Variants in SMARCA1 observed in about 807,000 individuals in gnomAD.
SMARCA1 encodes the protein SNF2 related chromatin remodeling ATPase 1.
SMARCA1 carries 17 observed loss-of-function variants against 93.6 expected under a neutral mutation model. The observed-to-expected ratio is 0.18, with a 90% CI of 0.12 to 0.27. The LOEUF (loss-of-function observed/expected upper bound fraction) is 0.27, where lower values mean the gene tolerates loss of function less well. Ranked by LOEUF, SMARCA1 falls within the 10% of genes least tolerant of loss-of-function variation. The pLI, the probability that SMARCA1 is intolerant of heterozygous loss-of-function variation, is 1.00. For synonymous variants in SMARCA1, 271 were observed against 271.4 expected (o/e 1.00, Z 0.01); for missense variants, 630 against 819.0 (o/e 0.77, Z 2.82).
intron 23 of SMARCA1, among the ~76,000 whole-genome samples, chrX:129,454,798 T>C (rs954101547): frequency 4.5e-5 from 5 of 111,382 alleles, no homozygotes; most frequent in African/African-American, 1.3e-4. Flanking sequence ...CCTCCCCCCA[T>C]GAACAGACAC....
At chrX:129,499,650 T>C (rs6634747) in intron 10 of SMARCA1, 82 bp downstream of exon 10, 52,633 of 477,271 alleles carry the variant, frequency 0.11, 2,967 homozygotes, top group East Asian at 0.35. Context: ...TTTGAACTAA[T>C]GGCATAACTG....
chrX:129,466,988 C>A (rs1932929325), intron 21 of SMARCA1, among the ~76,000 whole-genome samples: 1 of 111,802 alleles, frequency 8.9e-6, no homozygotes, highest in Non-Finnish European at 1.9e-5. Context: ...TAATGACATA[C>A]TCCACATCCT....
At chrX:129,448,076 T>C (rs770007433) in intron 24 of SMARCA1, among the ~76,000 whole-genome samples, 1 of 109,990 alleles carries the variant, frequency 9.1e-6, no homozygotes, top group South Asian at 4.0e-4. Flanking sequence ...TCACTTGCAT[T>C]ATACTTCTGT....
At chrX:129,509,355 G>A (rs1934944632) in intron 6 of SMARCA1, among the ~76,000 whole-genome samples, 1 of 110,157 alleles carries the variant, frequency 9.1e-6, no homozygotes, top group Non-Finnish European at 1.9e-5. Flanking sequence ...AGAATCACCT[G>A]GACTGAAGAG....
chrX:129,452,199 T>C (rs1932344659), intron 23 of SMARCA1, among the ~76,000 whole-genome samples: 1 of 112,622 alleles, frequency 8.9e-6, no homozygotes, highest in Admixed American at 9.4e-5. Context: ...TTCTATAATT[T>C]CTCCTTTCAT....
At chrX:129,481,951 A>G (rs1933682629) in intron 17 of SMARCA1, among the ~76,000 whole-genome samples, 1 of 104,499 alleles carries the variant, frequency 9.6e-6, no homozygotes, top group Admixed American at 1.1e-4. Flanking sequence ...ACAATGATAG[A>G]CTGGATTAAG....
At chrX:129,488,162 C>A (rs987072544) in intron 16 of SMARCA1, among the ~76,000 whole-genome samples, 2 of 108,215 alleles carry the variant, frequency 1.8e-5, no homozygotes, top group African/African-American at 6.8e-5. Context: ...GAACTAAACA[C>A]AAAATTACAA....
At chrX:129,505,454 G>C (rs1348002893) in intron 8 of SMARCA1, among the ~76,000 whole-genome samples, 1 of 110,988 alleles carries the variant, frequency 9.0e-6, no homozygotes. Flanking sequence ...GGAGGTTGCA[G>C]AGAGCTGAGA....
In SMARCA1 at chrX:129,447,196, G is replaced by T. The variant is rs1390145032; in HGVS notation, c.3179C>A (p.Ser1060Tyr). Reference sequence around the variant, plus strand: ...CACCTTCTTGACATCCTTCTTTCCAGAGCTCTCAGTAGCTGACTCTGCTTT... The same window carrying T: ...CACCTTCTTGACATCCTTCTTTCCATAGCTCTCAGTAGCTGACTCTGCTTT... Reference protein sequence around the residue: ...KRKAESATESSGKKDVKKVKS With the variant: ...KRKAESATESYGKKDVKKVKS Residue 1060 changes from serine (S) to tyrosine (Y), a missense_variant, in exon 25 of 25, where the codon TCT becomes TAT. Ser to Tyr is a moderately radical substitution (Grantham distance 144). Transcript: ENST00000371121. The T allele has an allele frequency of 8.7e-7, 1 of 1,145,830 alleles. No homozygotes were observed. The highest frequency in any genetic ancestry group is 1.2e-6 in the Non-Finnish European group (1 of 866,206). 94.4% of individuals were successfully genotyped at this position (1,145,830 alleles called of 1,213,427 possible).
chrX:129,490,773 T>C (rs909168848), intron 14 of SMARCA1, among the ~76,000 whole-genome samples: 3 of 108,861 alleles, frequency 2.8e-5, no homozygotes, highest in East Asian at 2.9e-4. Flanking sequence ...CTAGAGCAAA[T>C]AGGTAAAGGG....
At chrX:129,475,882 G>T (rs920623094) in intron 19 of SMARCA1, among the ~76,000 whole-genome samples, 1 of 112,176 alleles carries the variant, frequency 8.9e-6, no homozygotes, top group Non-Finnish European at 1.9e-5. Flanking sequence ...TTCTACCACT[G>T]AAAAAGTAGG....
chrX:129,502,195 G>A (rs1934593562), intron 9 of SMARCA1, among the ~76,000 whole-genome samples: 1 of 111,576 alleles, frequency 9.0e-6, no homozygotes, highest in Non-Finnish European at 1.9e-5. Flanking sequence ...TAGTGCTTAG[G>A]AGAAGGATAC....
chrX:129,487,071 T>G lies in SMARCA1; in HGVS notation c.2164A>C (p.Ile722Leu). ...TCAAATTTGTATAAACTTTGTTCAATGTCCATTCTAAAATTTCTTAGAGAA... is the reference window on the plus strand; with the variant it reads ...TCAAATTTGTATAAACTTTGTTCAAGGTCCATTCTAAAATTTCTTAGAGAA... ...ESSLRNFRMD[I>L]EQSLYKFEGE... Residue 722 changes from isoleucine (I) to leucine (L), a missense_variant, in exon 17 of 25, where the codon ATT becomes CTT. Physicochemically the swap from Ile to Leu is conservative, Grantham distance 5 (BLOSUM62 2). Transcript: ENST00000371121. The G allele has an allele frequency of 8.6e-7, 1 of 1,165,555 alleles. No individual in the cohort carries two copies. Among genetic ancestry groups the G allele is most frequent in the Non-Finnish European group, 1.2e-6 (1 of 857,011 alleles).
chrX:129,496,121 G>A (rs977120084), intron 12 of SMARCA1, among the ~76,000 whole-genome samples: 1 of 99,094 alleles, frequency 1.0e-5, no homozygotes, highest in Admixed American at 1.2e-4. Context: ...ATAATCTAAA[G>A]ATCTGTAAGA....
chrX:129,467,358 C>T (rs1602661332), intron 21 of SMARCA1, among the ~76,000 whole-genome samples: 3 of 111,287 alleles, frequency 2.7e-5, no homozygotes, highest in South Asian at 7.5e-4. Flanking sequence ...TCACATACAC[C>T]GATGTTATCT....
chrX:129,488,286 CAAAAAA>C lies in SMARCA1; in HGVS notation c.2097+645_2097+650del, dbSNP rs34476497. On this transcript the variant is annotated intron_variant, in intron 16 of 24. Coordinates refer to ENST00000371121, the MANE Select transcript of SMARCA1 (RefSeq NM_001282874.2). ...TCAGTAGATGATTTCTAGTCCAGTG[CAAAAAA>C]AAAAAAAAAAAAAAGATTATAAAAA... Among the ~76,000 whole-genome samples, 16 of 46,701 alleles carry C rather than the reference CAAAAAA, an allele frequency of 3.4e-4. No individual in the cohort carries two copies. In the South Asian group the frequency reaches 0.011, roughly 33 times the overall value. 40.6% of individuals were successfully genotyped at this position (46,701 alleles called of 115,157 possible).
At chrX:129,510,327 T>G (rs1934978795) in intron 6 of SMARCA1, among the ~76,000 whole-genome samples, 1 of 112,688 alleles carries the variant, frequency 8.9e-6, no homozygotes, top group Admixed American at 9.4e-5. Flanking sequence ...TACCAAGTAC[T>G]AAGCTAAAGT....
Position 129,511,840 on chromosome X carries a change from G to A in SMARCA1, c.774C>T (p.Leu258=). Residue 258 remains leucine, a synonymous_variant, in exon 6 of 25, where the codon CTC becomes CTT. Transcript: ENST00000371121. ...MNEFKRWVPS[L]RVICFVGDKD... is the part of the protein sequence containing the mutation. The stretch of plus-strand genomic sequence containing the variant: ...TGTCTCCGACAAAACAAATGACACG[G>A]AGAGATGGGACCCATCGTTTAAATT... The A allele has an allele frequency of 8.3e-7, 1 of 1,202,476 alleles. No individual in the cohort carries two copies. Among genetic ancestry groups the A allele is most frequent in the South Asian group, 1.8e-5 (1 of 54,730 alleles).
intron 23 of SMARCA1, among the ~76,000 whole-genome samples, chrX:129,453,496 G>C (rs971248393): frequency 8.9e-6 from 1 of 111,991 alleles, no homozygotes; most frequent in Non-Finnish European, 1.9e-5. Context: ...AGGAAGAAAG[G>C]AAGTCAAATT....
Sources: gnomAD v4.1 joint callset for allele counts (sites outside exome capture counted in the v4.1 genomes callset) on GRCh38, gnomAD v4.1.1 for gene constraint, MANE v1.5 for transcripts, NCBI Gene and HGNC (gene_info 2026-07-23, HGNC 2026-07-21) for gene names.